TENM2: variants seen among roughly 807,000 people sequenced by gnomAD.
TENM2 encodes the protein teneurin-2.
A neutral mutation model predicts 245.2 loss-of-function variants in TENM2; 52 were observed. That is an observed-to-expected ratio of 0.21 (90% CI 0.17 to 0.27). TENM2 has a LOEUF of 0.27. Among genes scored for constraint, TENM2 ranks in the 10% least tolerant of loss-of-function variants. The pLI is 1.00. For synonymous variants in TENM2, 1,363 were observed against 1,438.9 expected (o/e 0.95, Z 1.19); for missense variants, 3,046 against 3,666.8 (o/e 0.83, Z 4.37).
At chr5:167,700,238 C>A (rs1022894199) in intron 2 of TENM2, among the ~76,000 whole-genome samples, 1 of 152,056 alleles carries the variant, frequency 6.6e-6, no homozygotes, top group African/African-American at 2.4e-5. Flanking sequence ...CTTTAAAGTC[C>A]TTTAAGAATT....
intron 2 of TENM2, among the ~76,000 whole-genome samples, chr5:167,469,217 A>G (rs955357481): frequency 6.6e-6 from 1 of 152,158 alleles, no homozygotes; most frequent in Middle Eastern, 3.2e-3. Context: ...CTAACGCTGC[A>G]TCAAAATGCA....
intron 6 of TENM2, among the ~76,000 whole-genome samples, chr5:168,053,942 C>G (rs192116199): frequency 1.1e-3 from 172 of 152,242 alleles, no homozygotes; most frequent in Non-Finnish European, 1.7e-3. Context: ...ATCTGAAAAA[C>G]AGGAAAAATT....
intron 5 of TENM2, among the ~76,000 whole-genome samples, chr5:168,043,598 C>G (rs1190656433): frequency 6.6e-6 from 1 of 152,206 alleles, no homozygotes; most frequent in African/African-American, 2.4e-5. Context: ...ATGCCATTTC[C>G]TAGTTTCCTT....
chr5:167,374,456 A>G (rs1431756749), intron 1 of TENM2, among the ~76,000 whole-genome samples: 1 of 152,214 alleles, frequency 6.6e-6, no homozygotes, highest in Non-Finnish European at 1.5e-5. Flanking sequence ...AGCATTTATT[A>G]AAAACGACTA....
At chr5:167,045,213 CT>C in the TENM2 span, among the ~76,000 whole-genome samples, 1 of 152,162 alleles carries the variant, frequency 6.6e-6, no homozygotes, top group African/African-American at 2.4e-5. Flanking sequence ...TATTCTGAAT[CT>C]AAATTCCGGA....
At chr5:167,918,165 A>C (rs58144271) in intron 3 of TENM2, among the ~76,000 whole-genome samples, 5,145 of 152,226 alleles carry the variant, frequency 0.034, 161 homozygotes, top group East Asian at 0.094. Flanking sequence ...CATCTGTGAG[A>C]TCATGACGGG....
rs1583475745 is a variant in TENM2, at chr5:167,954,853, T to A, written c.947+2031T>A. On this transcript the variant is annotated intron_variant, in intron 4 of 28. Transcript: ENST00000518659. ...TGGTGTATATGTGCCACATTTTCTT[T>A]ATCCAGTCTATCATGGATGGGCATT... is the stretch of plus-strand genomic sequence containing the variant. Among the ~76,000 whole-genome samples the A allele has an allele frequency of 1.3e-5, 2 of 152,226 alleles. 1 individual carries two copies. The highest frequency in any genetic ancestry group is 4.1e-4 in the South Asian group (2 of 4,834).
intron 2 of TENM2, among the ~76,000 whole-genome samples, chr5:167,741,885 C>G (rs1761200341): frequency 6.6e-6 from 1 of 152,088 alleles, no homozygotes; most frequent in Non-Finnish European, 1.5e-5. Flanking sequence ...CTGTATTAAG[C>G]CTGTGGACAA....
chr5:167,840,498 C>T (rs1456833774), intron 2 of TENM2, among the ~76,000 whole-genome samples: 8 of 152,156 alleles, frequency 5.3e-5, no homozygotes, highest in East Asian at 1.9e-4. Flanking sequence ...AAACTGAATT[C>T]GCTAAGTTCA....
intron 2 of TENM2, among the ~76,000 whole-genome samples, chr5:167,553,784 G>A (rs1165134177): frequency 3.3e-5 from 5 of 152,172 alleles, no homozygotes; most frequent in Non-Finnish European, 5.9e-5. Context: ...AGAGGGGAAA[G>A]AGGGGTTGAC....
chr5:168,103,747 C>G (rs1408106750), intron 9 of TENM2, among the ~76,000 whole-genome samples: 1 of 152,140 alleles, frequency 6.6e-6, no homozygotes, highest in Non-Finnish European at 1.5e-5. Flanking sequence ...CCCCCTCACA[C>G]ATAAGGCAGA....
chr5:167,081,542 G>A, the TENM2 span, among the ~76,000 whole-genome samples: 2 of 152,118 alleles, frequency 1.3e-5, no homozygotes, highest in Non-Finnish European at 2.9e-5. Flanking sequence ...AGTTATTGTA[G>A]TTATTATTGC....
intron 10 of TENM2, 101 bp downstream of exon 12, chr5:168,118,587 A>G: frequency 1.1e-6 from 1 of 917,182 alleles, no homozygotes; most frequent in Non-Finnish European, 1.5e-6. Context: ...GTTTTGCAAG[A>G]GAAGTTTCAA....
the TENM2 span, among the ~76,000 whole-genome samples, chr5:167,188,804 G>A: frequency 6.6e-6 from 1 of 152,052 alleles, no homozygotes; most frequent in Non-Finnish European, 1.5e-5. Flanking sequence ...CGAATAATAT[G>A]CATTTGAAAA....
At chr5:167,800,346 C>T (rs934173905) in intron 2 of TENM2, among the ~76,000 whole-genome samples, 1 of 152,148 alleles carries the variant, frequency 6.6e-6, no homozygotes, top group Admixed American at 6.5e-5. Context: ...TTCATGATGT[C>T]GTTTACTTCA....
intron 2 of TENM2, among the ~76,000 whole-genome samples, chr5:167,578,054 T>C (rs1368403324): frequency 6.6e-6 from 1 of 152,122 alleles, no homozygotes; most frequent in African/African-American, 2.4e-5. Context: ...GATGCTAGTA[T>C]GATGGAGGGT....
chr5:167,981,565 G>A (rs929995410), intron 4 of TENM2, among the ~76,000 whole-genome samples: 1 of 152,166 alleles, frequency 6.6e-6, no homozygotes, highest in Admixed American at 6.5e-5. Context: ...CATCACAAAG[G>A]CCTGTGCTGA....
At chr5:168,094,811 G>A (rs1793226210) in intron 8 of TENM2, among the ~76,000 whole-genome samples, 1 of 152,144 alleles carries the variant, frequency 6.6e-6, no homozygotes, top group Non-Finnish European at 1.5e-5. Context: ...AGCAGTAGGT[G>A]AGCAAGTGAA....
chr5:167,789,195 G>T (rs1764780518), intron 2 of TENM2, among the ~76,000 whole-genome samples: 1 of 152,180 alleles, frequency 6.6e-6, no homozygotes, highest in African/African-American at 2.4e-5. Context: ...ACAAAAATTT[G>T]CAACCACTTG....
Sources: gnomAD v4.1 joint callset for allele counts (sites outside exome capture counted in the v4.1 genomes callset) on GRCh38, gnomAD v4.1.1 for gene constraint, MANE v1.5 for transcripts, NCBI Gene and HGNC (gene_info 2026-07-23, HGNC 2026-07-21) for gene names.